The following NSD1 variants were observed in gnomAD, a reference collection of about 807,000 sequenced individuals.
The protein encoded by NSD1 is histone-lysine N-methyltransferase, H3 lysine-36 specific.
A neutral mutation model predicts 242.7 loss-of-function variants in NSD1; 26 were observed. The ratio of observed to expected loss-of-function variants is 0.11; its 90% CI spans 0.08 to 0.15. The LOEUF (loss-of-function observed/expected upper bound fraction) is 0.15. NSD1 is among the 10% of genes least tolerant of loss of function. The pLI, the probability that NSD1 is intolerant of heterozygous loss-of-function variation, is 1.00. For synonymous variants in NSD1, 1,106 were observed against 1,178.1 expected, an observed-to-expected ratio of 0.94 and a Z score of 1.25; for missense variants, 2,495 against 3,272.8, an observed-to-expected ratio of 0.76 and a Z score of 5.80.
rs1756574152 is a variant in NSD1 at position 177,138,887 on chromosome 5, C to T, written c.927+2857C>T. Among the ~76,000 whole-genome samples the T allele has an allele frequency of 2.0e-5, 3 of 150,774 alleles. No homozygotes were observed. In the South Asian group the frequency reaches 6.3e-4, roughly 32 times the overall value. On this transcript the variant is annotated intron_variant, in intron 2 of 22. Coordinates refer to ENST00000439151, the MANE Select transcript of NSD1 (RefSeq NM_022455.5). ...CTCCTGACCTCAGGTGATCCACCCG[C>T]CTCAGCCTCCCAAAGTGCTGGGATT... is the stretch of plus-strand genomic sequence containing the variant.
At chr5:177,259,864 T>C in intron 13 of NSD1, 125 bp from the exon 14 acceptor site, 1 of 1,012,312 alleles carries the variant, frequency 9.9e-7, no homozygotes, top group Non-Finnish European at 1.5e-6. Flanking sequence ...TCCATCATCT[T>C]AGTGGTCATT....
intron 2 of NSD1, among the ~76,000 whole-genome samples, chr5:177,165,618 G>A (rs1170583376): frequency 6.6e-6 from 1 of 151,104 alleles, no homozygotes; most frequent in Admixed American, 6.6e-5. Context: ...TTTGAGACAA[G>A]GTCTTACTCT....
chr5:177,135,558 A>G lies in NSD1; in HGVS notation c.455A>G (p.His152Arg). The G allele has an allele frequency of 1.2e-6, 2 of 1,614,232 alleles. No homozygotes were observed. Among genetic ancestry groups the G allele is most frequent in the South Asian group, 1.1e-5 (1 of 91,086 alleles). ...AAGACTATCAAGAATGGCTTTCTGC[A>G]CTTTGAGAATTTTACTTGTGTGGAC... Reference protein sequence around the residue: ...VTKTIKNGFLHFENFTCVDDA... With the variant: ...VTKTIKNGFLRFENFTCVDDA... The change falls in exon 2 of 23, where the codon CAC (histidine) becomes CGC (arginine). Residue 152 changes from histidine to arginine, a missense_variant. Around this residue, in one of 19 missense-constraint regions of NSD1, gnomAD observed 376 missense variants for 367.4 expected, o/e 1.02. Transcript: ENST00000439151.
intron 2 of NSD1, among the ~76,000 whole-genome samples, chr5:177,183,437 A>AT (rs1255653932): frequency 6.6e-6 from 1 of 152,176 alleles, no homozygotes; most frequent in African/African-American, 2.4e-5. Flanking sequence ...TGGGTATTGT[A>AT]TACCTAGGAG....
At chr5:177,223,044 G>A (rs1764358169) in intron 5 of NSD1, among the ~76,000 whole-genome samples, 1 of 150,330 alleles carries the variant, frequency 6.7e-6, no homozygotes, top group African/African-American at 2.4e-5. Flanking sequence ...CTGCATGTGG[G>A]TGTCCACTTG....
At chr5:177,271,844 T>A (rs1206250638) in intron 16 of NSD1, among the ~76,000 whole-genome samples, 1 of 152,072 alleles carries the variant, frequency 6.6e-6, no homozygotes, top group East Asian at 1.9e-4. Flanking sequence ...TTAAGTAGTT[T>A]GGGGCAGAAA....
chr5:177,138,007 A>G (rs537438356), intron 2 of NSD1, among the ~76,000 whole-genome samples: 53 of 151,770 alleles, frequency 3.5e-4, no homozygotes, highest in African/African-American at 1.3e-3. Flanking sequence ...CCCAGGAGGC[A>G]GAGGTTGCAG....
intron 2 of NSD1, among the ~76,000 whole-genome samples, chr5:177,163,127 AT>A (rs1279244350): frequency 6.6e-6 from 1 of 150,656 alleles, no homozygotes. Flanking sequence ...AGTGATAAAG[AT>A]TAATGAAATG....
intron 5 of NSD1, among the ~76,000 whole-genome samples, chr5:177,214,953 G>GGC (rs1286411683): frequency 6.6e-6 from 1 of 152,000 alleles, no homozygotes; most frequent in East Asian, 1.9e-4. Flanking sequence ...CACCCGCCTT[G>GGC]GCCTCCCAAA....
At chr5:177,173,248 C>A (rs1277479523) in intron 2 of NSD1, among the ~76,000 whole-genome samples, 1 of 142,392 alleles carries the variant, frequency 7.0e-6, no homozygotes, top group Non-Finnish European at 1.5e-5. Context: ...GCCGAGATAG[C>A]GCCACTGCAC....
In NSD1 at chr5:177,297,845, T is replaced by G. The variant is rs1343467940; in HGVS notation, c.*2386T>G. On this transcript the variant is annotated 3_prime_UTR_variant, in exon 23 of 23. Coordinates refer to ENST00000439151, the MANE Select transcript of NSD1 (RefSeq NM_022455.5). ...TGGCTGCTTTGTGGTTTTATTTTGGTTCTTTCCATTCTCCGCCATTCATTG... is the reference window on the plus strand; with the variant it reads ...TGGCTGCTTTGTGGTTTTATTTTGGGTCTTTCCATTCTCCGCCATTCATTG... 1 of 232,992 alleles carries G rather than the reference T, an allele frequency of 4.3e-6. No homozygotes were observed. The highest frequency in any genetic ancestry group is 8.5e-6 in the Non-Finnish European group (1 of 118,002). 14.4% of individuals were successfully genotyped at this position (232,992 alleles called of 1,614,324 possible).
intron 17 of NSD1, among the ~76,000 whole-genome samples, chr5:177,276,931 T>C (rs1758437350): frequency 6.6e-6 from 1 of 152,202 alleles, no homozygotes; most frequent in Non-Finnish European, 1.5e-5. Context: ...AGTCTCACAA[T>C]GTATGTGAAA....
intron 5 of NSD1, among the ~76,000 whole-genome samples, chr5:177,231,282 G>A (rs1448571680): frequency 4.0e-5 from 6 of 151,666 alleles, no homozygotes; most frequent in Admixed American, 3.3e-4. Context: ...ACGAGGTCTC[G>A]CCATGTTCCC....
chr5:177,203,071 T>C (rs1376878520), intron 3 of NSD1, among the ~76,000 whole-genome samples: 1 of 152,320 alleles, frequency 6.6e-6, no homozygotes, highest in East Asian at 1.9e-4. Flanking sequence ...TCCATAATTC[T>C]TCCAAAGGTT....
At chr5:177,167,144 T>C (rs991675244) in intron 2 of NSD1, among the ~76,000 whole-genome samples, 4 of 152,194 alleles carry the variant, frequency 2.6e-5, no homozygotes, top group Admixed American at 2.6e-4. Context: ...GAAGAGACTA[T>C]TATTCTTTTT....
At chr5:177,246,469 T>C (rs1360265430) in intron 9 of NSD1, among the ~76,000 whole-genome samples, 1 of 152,222 alleles carries the variant, frequency 6.6e-6, no homozygotes, top group Non-Finnish European at 1.5e-5. Flanking sequence ...ATTTAATCTA[T>C]ATGAGGGAGC....
In NSD1 at chr5:177,191,896, A is replaced by G; in HGVS notation, c.940A>G (p.Lys314Glu). ...SQELPFCQPK[K>E]KSTPLKYEVG... ...TGTCTGTCTAAAGTGTCAACCTAAGAAAAAGTCTACGCCACTGAAGTATGA... is the reference window on the plus strand; with the variant it reads ...TGTCTGTCTAAAGTGTCAACCTAAGGAAAAGTCTACGCCACTGAAGTATGA... Residue 314 changes from lysine to glutamate, a missense_variant, in exon 3 of 23, where the codon AAA becomes GAA. Lys to Glu is a moderately conservative substitution (Grantham distance 56). Transcript: ENST00000439151. 6.2e-7 allele frequency: 1 copy of G among 1,614,120 alleles called. No individual in the cohort carries two copies. The highest frequency in any genetic ancestry group is 8.5e-7 in the Non-Finnish European group (1 of 1,179,986).
chr5:177,208,801 T>G (rs963040012), intron 4 of NSD1, among the ~76,000 whole-genome samples: 7 of 152,124 alleles, frequency 4.6e-5, no homozygotes, highest in Non-Finnish European at 7.3e-5. Context: ...GTGCTAGTGA[T>G]TCTCCTGCCT....
chr5:177,142,095 A>G (rs1387820492), intron 2 of NSD1, among the ~76,000 whole-genome samples: 2 of 152,164 alleles, frequency 1.3e-5, no homozygotes, highest in African/African-American at 4.8e-5. Flanking sequence ...CTGCTTCCCA[A>G]AGTGCTGGGA....
Sources: allele counts gnomAD v4.1 joint callset (sites outside exome capture counted in the v4.1 genomes callset), GRCh38; gene constraint gnomAD v4.1.1; regional missense constraint gnomAD v4.1.1; transcripts MANE v1.5; gene names NCBI Gene and HGNC (gene_info 2026-07-23, HGNC 2026-07-21).